Variants in TCF4 observed in about 807,000 individuals in gnomAD.
TCF4 encodes SL3-3 enhancer factor 2.
Under a neutral mutation model 82.1 loss-of-function variants are expected in TCF4, and 3 were observed. The ratio of observed to expected loss-of-function variants is 0.04; its 90% CI spans 0.02 to 0.09. TCF4 has a LOEUF of 0.09. Ranked by LOEUF, TCF4 falls within the 10% of genes least tolerant of loss-of-function variation. The pLI is 1.00. For missense variants in TCF4, 518 were observed against 852.7 expected, an observed-to-expected ratio of 0.61 and a Z score of 4.89; for synonymous variants, 276 against 309.6, an observed-to-expected ratio of 0.89 and a Z score of 1.14.
In TCF4 at chr18:55,588,013, G is replaced by A. The variant is rs184462159; in HGVS notation, c.-21+25C>T. The A allele has an allele frequency of 5.5e-3, 5,377 of 980,828 alleles. 205 individuals are homozygous for A. The African/African-American group carries it at 0.085, about 15-fold the overall frequency. The allele number at this position is 980,828 out of a possible 1,614,324, so 60.8% of individuals were successfully genotyped here. ...CGCCGCCGGGCGCCTCCGCCCCGCC[G>A]AGCCCCGCAGGCGCCGGTACCTACC... On this transcript the variant is annotated intron_variant, in intron 1 of 19. Coordinates refer to ENST00000354452, the MANE Select transcript of TCF4 (RefSeq NM_001083962.2).
At chr18:55,614,649 T>C (rs1199270708) in intron 2 of TCF4, among the ~76,000 whole-genome samples, 1 of 152,216 alleles carries the variant, frequency 6.6e-6, no homozygotes, top group African/African-American at 2.4e-5. Context: ...GTATATATTC[T>C]GGACACAGTT....
chr18:55,341,719 A>T (rs1303395101), intron 8 of TCF4, among the ~76,000 whole-genome samples: 1 of 152,226 alleles, frequency 6.6e-6, no homozygotes, highest in African/African-American at 2.4e-5. Flanking sequence ...GGACAAAAAA[A>T]AATGTATCTA....
chr18:55,589,918 A>C (rs2097681085), upstream of TCF4: 2 of 822,482 alleles, frequency 2.4e-6, no homozygotes, highest in Non-Finnish European at 2.9e-6. Flanking sequence ...GGCGGCCAAG[A>C]TGGCGGTGCT....
intron 6 of TCF4, among the ~76,000 whole-genome samples, chr18:55,353,968 C>T (rs1215500017): frequency 6.6e-6 from 1 of 152,126 alleles, no homozygotes; most frequent in African/African-American, 2.4e-5. Context: ...ATTGTGCAAG[C>T]TCATGTTCTG....
Position 55,370,382 on chromosome 18 carries a change from C to A in TCF4, c.370-19379G>T, listed in dbSNP as rs150848075. On this transcript the variant is annotated intron_variant, in intron 6 of 19. Transcript: ENST00000354452. ...GATTGCACCACTGCTCCAGCCTGGG[C>A]TCAGTACATAGGTAGGTAGGTAGGT... Among the ~76,000 whole-genome samples, 11 of 151,624 alleles carry A rather than the reference C, an allele frequency of 7.3e-5. 1 individual carries two copies. Among genetic ancestry groups the A allele is most frequent in the Non-Finnish European group, 1.6e-4 (11 of 67,986 alleles).
At chr18:55,278,623 C>G (rs560528639) in intron 9 of TCF4, among the ~76,000 whole-genome samples, 1 of 152,258 alleles carries the variant, frequency 6.6e-6, no homozygotes, top group South Asian at 2.1e-4. Flanking sequence ...GGCTGGAGTG[C>G]AGTGGTGCAA....
At chr18:55,381,925 T>TTA (rs1555983159) in intron 6 of TCF4, among the ~76,000 whole-genome samples, 9 of 150,670 alleles carry the variant, frequency 6.0e-5, no homozygotes, top group Non-Finnish European at 1.0e-4. Flanking sequence ...TTTTTTTTTT[T>TTA]AAAAAAGGAA....
chr18:55,553,022 G>T (rs370963806), intron 3 of TCF4, among the ~76,000 whole-genome samples: 1 of 152,208 alleles, frequency 6.6e-6, no homozygotes, highest in Non-Finnish European at 1.5e-5. Context: ...AAAAAGCACA[G>T]AAGTGTCACA....
intron 3 of TCF4, among the ~76,000 whole-genome samples, chr18:55,481,002 G>A (rs1373333326): frequency 7.3e-5 from 11 of 151,502 alleles, no homozygotes; most frequent in Non-Finnish European, 2.9e-5. Flanking sequence ...TACTTGGGAG[G>A]CTGAGGCAGG....
In TCF4 at chr18:55,428,692, T is replaced by G. The variant is rs966925903; in HGVS notation, c.305-25174A>C. On this transcript the variant is annotated intron_variant, in intron 5 of 19. Transcript: ENST00000354452. ...CTATGCTCTATCATTATCTTCATTT[T>G]TAAGAGTATTAAAGCTCAGATAAAC... is the stretch of plus-strand genomic sequence containing the variant. 5.3e-5 allele frequency among the ~76,000 whole-genome samples: 8 copies of G among 152,232 alleles called. No individual in the cohort carries two copies. In the South Asian group the frequency reaches 1.7e-3, roughly 32 times the overall value.
At chr18:55,631,946 C>T (rs2097731959) in intron 1 of TCF4, among the ~76,000 whole-genome samples, 1 of 152,204 alleles carries the variant, frequency 6.6e-6, no homozygotes. Flanking sequence ...AGTCCCTTAA[C>T]CCTAGTGGGG....
At chr18:55,368,037 T>C (rs1346065941) in intron 6 of TCF4, among the ~76,000 whole-genome samples, 1 of 152,218 alleles carries the variant, frequency 6.6e-6, no homozygotes, top group Non-Finnish European at 1.5e-5. Context: ...AATGGCCACA[T>C]ACTACTTCTT....
intron 5 of TCF4, among the ~76,000 whole-genome samples, chr18:55,441,305 C>T (rs1256790127): frequency 6.6e-6 from 1 of 152,214 alleles, no homozygotes; most frequent in Non-Finnish European, 1.5e-5. Flanking sequence ...CCAATCATAT[C>T]CTTTGTTTCA....
chr18:55,554,390 T>C (rs1279155896), intron 3 of TCF4, among the ~76,000 whole-genome samples: 1 of 152,104 alleles, frequency 6.6e-6, no homozygotes, highest in African/African-American at 2.4e-5. Context: ...CTAGTTTTAT[T>C]AATAAGGGTA....
intron 3 of TCF4, among the ~76,000 whole-genome samples, chr18:55,464,450 A>G (rs547324149): frequency 1.3e-5 from 2 of 152,334 alleles, no homozygotes; most frequent in East Asian, 3.9e-4. Flanking sequence ...AATCTTTTGG[A>G]TAAAATAAGT....
At chr18:55,255,519 C>T (rs763144772) in intron 14 of TCF4, among the ~76,000 whole-genome samples, 4 of 152,042 alleles carry the variant, frequency 2.6e-5, no homozygotes, top group Admixed American at 1.3e-4. Flanking sequence ...CTAGACAATG[C>T]GTATAGTTTT....
intron 13 of TCF4, among the ~76,000 whole-genome samples, chr18:55,258,436 T>C (rs2057359668): frequency 6.6e-6 from 1 of 152,168 alleles, no homozygotes. Flanking sequence ...TGATGTTTTC[T>C]AGAATGACTG....
At chr18:55,476,755 A>G (rs2096297792) in intron 3 of TCF4, among the ~76,000 whole-genome samples, 1 of 152,214 alleles carries the variant, frequency 6.6e-6, no homozygotes, top group African/African-American at 2.4e-5. Context: ...GGCGTGAGCC[A>G]CCATGCCCAG....
At chr18:55,477,791 A>T (rs1029328914) in intron 3 of TCF4, among the ~76,000 whole-genome samples, 7 of 152,228 alleles carry the variant, frequency 4.6e-5, no homozygotes, top group African/African-American at 1.7e-4. Context: ...GTCCAGCTGA[A>T]AGAGATGAGA....
Sources: gnomAD v4.1 joint callset for allele counts (sites outside exome capture counted in the v4.1 genomes callset) on GRCh38, gnomAD v4.1.1 for gene constraint, MANE v1.5 for transcripts, NCBI Gene and HGNC (gene_info 2026-07-23, HGNC 2026-07-21) for gene names.